TBC1D16: variants seen among roughly 807,000 people sequenced by gnomAD.
TBC1D16 encodes TBC1 domain family member 16, also known as CTD-2529O21.1.
Under a neutral mutation model 74.7 loss-of-function variants are expected in TBC1D16, and 58 were observed. That is an observed-to-expected ratio of 0.78 (90% CI 0.63 to 0.97). The LOEUF is 0.97. TBC1D16 is among the 50% of genes least tolerant of loss of function. The pLI is 0.00. For missense variants in TBC1D16, 1,014 were observed against 1,079.5 expected, an observed-to-expected ratio of 0.94 and a Z score of 0.85; for synonymous variants, 493 against 474.7, an observed-to-expected ratio of 1.04 and a Z score of -0.50.
In TBC1D16 at chr17:79,999,071, C is replaced by A. The variant is rs543656788; in HGVS notation, c.779+11089G>T. On this transcript the variant is annotated intron_variant, in intron 3 of 11. Coordinates refer to ENST00000310924, the MANE Select transcript of TBC1D16 (RefSeq NM_019020.4). ...AGGAATTTGAGACCAGCCCGGCCAA[C>A]ACGGCGAAACCCCATCTCTAGTAAA... Among the ~76,000 whole-genome samples the A allele has an allele frequency of 6.6e-5, 10 of 152,160 alleles. No homozygotes were observed. The East Asian group carries it at 1.9e-3, about 30-fold the overall frequency.
rs890778489 is a variant in TBC1D16, at chr17:79,941,554, G to A, written c.2056-447C>T. On this transcript the variant is annotated intron_variant, in intron 11 of 11. Coordinates refer to ENST00000310924, the MANE Select transcript of TBC1D16 (RefSeq NM_019020.4). The surrounding 1 kb of genome is among the most constrained non-coding windows in gnomAD (Gnocchi z 4.3). ...GTGTCCTGTGCCAGAGGACACCACCGACCTCGGGACCCCCGCTCAGTGCCC... is the reference window on the plus strand; with the variant it reads ...GTGTCCTGTGCCAGAGGACACCACCAACCTCGGGACCCCCGCTCAGTGCCC... 5.3e-5 allele frequency among the ~76,000 whole-genome samples: 8 copies of A among 151,740 alleles called. No individual in the cohort carries two copies. Among genetic ancestry groups the A allele is most frequent in the Admixed American group, 1.3e-4 (2 of 15,246 alleles).
Position 80,007,769 on chromosome 17 carries a change from A to G in TBC1D16, c.779+2391T>C, listed in dbSNP as rs1009341710. The stretch of plus-strand genomic sequence containing the variant: ...CATGAGGCAGAGAGAGCCCCACAAG[A>G]TCTAGAGGCAGAGAGGACGACGAAC... On this transcript the variant is annotated intron_variant, in intron 3 of 11. Coordinates refer to ENST00000310924, the MANE Select transcript of TBC1D16 (RefSeq NM_019020.4). This position sits in a 1 kb window ranked among gnomAD's most constrained non-coding sequence, Gnocchi z 4.5. Among the ~76,000 whole-genome samples, 6 of 152,232 alleles carry G rather than the reference A, an allele frequency of 3.9e-5. No individual in the cohort carries two copies. The South Asian group carries it at 1.2e-3, about 32-fold the overall frequency.
chr17:80,034,225 A>T lies in TBC1D16; in HGVS notation c.-63+1570T>A, dbSNP rs201424049. On this transcript the variant is annotated intron_variant, in intron 1 of 11. Coordinates refer to ENST00000310924, the MANE Select transcript of TBC1D16 (RefSeq NM_019020.4). Reference sequence around the variant, plus strand: ...CTTTTTTTTTTTTTTTTTGAGACATAGAATGTTGCTCTATCACCCGGGCTG... The same window carrying T: ...CTTTTTTTTTTTTTTTTTGAGACATTGAATGTTGCTCTATCACCCGGGCTG... Among the ~76,000 whole-genome samples the T allele has an allele frequency of 7.4e-4, 2 of 2,692 alleles. 1 individual carries two copies. 1.8% of individuals were successfully genotyped at this position (2,692 alleles called of 152,430 possible). A position where few individuals can be genotyped will look rare whatever the true frequency, so the allele number is the denominator to read the frequency against.
rs374443801 is a variant in TBC1D16, at chr17:80,025,523, G to A, written c.-63+10272C>T. On this transcript the variant is annotated intron_variant, in intron 1 of 11. Coordinates refer to ENST00000310924, the MANE Select transcript of TBC1D16 (RefSeq NM_019020.4). ...CTGGCAAATGCCCCCGGAGAGCCCTGGAGAGTTTTGCAGCAGTCCTGGCAC... is the reference window on the plus strand; with the variant it reads ...CTGGCAAATGCCCCCGGAGAGCCCTAGAGAGTTTTGCAGCAGTCCTGGCAC... Among the ~76,000 whole-genome samples, 58 of 149,758 alleles carry A rather than the reference G, an allele frequency of 3.9e-4. 1 individual carries two copies. The East Asian group carries it at 0.01, about 26-fold the overall frequency.
intron 3 of TBC1D16, among the ~76,000 whole-genome samples, chr17:79,953,756 CTTTTTTTCTTTTTTCTTT>C (rs1479959546): frequency 6.6e-6 from 1 of 152,054 alleles, no homozygotes; most frequent in South Asian, 2.1e-4. Context: ...GAGATTTTTT[CTTTTTTTCTTTTTTCTTT>C]TTTTTTTCTT....
chr17:79,998,782 C>T (rs2035373096), intron 3 of TBC1D16, among the ~76,000 whole-genome samples: 1 of 152,180 alleles, frequency 6.6e-6, no homozygotes, highest in Non-Finnish European at 1.5e-5. Flanking sequence ...CCACCCACCA[C>T]CACAGGGTAT....
intron 10 of TBC1D16, chr17:79,943,780 C>G: frequency 8.2e-7 from 1 of 1,226,852 alleles, no homozygotes; most frequent in Non-Finnish European, 1.0e-6. Flanking sequence ...GGGAAAGGGA[C>G]CCATCTGCCG....
intron 3 of TBC1D16, among the ~76,000 whole-genome samples, chr17:79,955,791 T>A (rs536383555): frequency 5.3e-5 from 8 of 152,154 alleles, no homozygotes; most frequent in Non-Finnish European, 1.2e-4. Context: ...GTCAGCACTA[T>A]CACTGGAAAA....
rs1201777467 is a variant in TBC1D16 at position 80,025,589 on chromosome 17, G to GGGAGCAGCCGCCTGCTA, written c.-63+10205_-63+10206insTAGCAGGCGGCTGCTCC. On this transcript the variant is annotated intron_variant, in intron 1 of 11. Transcript: ENST00000310924. ...CGCCTGCTGGGAGCAGCCGCCTGCT[G>GGGAGCAGCCGCCTGCTA]GGAGCACCTCCTTGCTGGAAGCACC... is the stretch of plus-strand genomic sequence containing the variant. 2.6e-3 allele frequency among the ~76,000 whole-genome samples: 382 copies of GGGAGCAGCCGCCTGCTA among 144,204 alleles called. 6 individuals are homozygous for GGGAGCAGCCGCCTGCTA. The highest frequency in any genetic ancestry group is 0.016 in the South Asian group (72 of 4,584). 94.6% of individuals were successfully genotyped at this position (144,204 alleles called of 152,430 possible).
chr17:79,991,487 G>A lies in TBC1D16; in HGVS notation c.779+18673C>T, dbSNP rs1164154387. ...GGCTGCTAAGAGTGGACAGGATGCA[G>A]GAGTGGCGTCTGGCTGACCCTGACC... is the stretch of plus-strand genomic sequence containing the variant. On this transcript the variant is annotated intron_variant, in intron 3 of 11. Coordinates refer to ENST00000310924, the MANE Select transcript of TBC1D16 (RefSeq NM_019020.4). Among the ~76,000 whole-genome samples, 7 of 152,322 alleles carry A rather than the reference G, an allele frequency of 4.6e-5. No homozygotes were observed. In the East Asian group the frequency reaches 1.2e-3, roughly 25 times the overall value.
intron 3 of TBC1D16, among the ~76,000 whole-genome samples, chr17:79,978,282 G>A (rs909438544): frequency 2.0e-5 from 3 of 152,272 alleles, no homozygotes; most frequent in Non-Finnish European, 4.4e-5. Context: ...TGGGAAGGCA[G>A]GGTCTCCGCT....
At chr17:80,024,586 C>CACACACCACACACCATAGACAT (rs2036464968) in intron 1 of TBC1D16, among the ~76,000 whole-genome samples, 7 of 19,658 alleles carry the variant, frequency 3.6e-4, no homozygotes, top group South Asian at 2.5e-3. Context: ...GCACACACAC[C>CACACACCACACACCATAGACAT]ACACACCACA....
rs2031830466 is a variant in TBC1D16, at chr17:79,939,662, T to A, written c.*1197A>T. On this transcript the variant is annotated 3_prime_UTR_variant, in exon 12 of 12. Coordinates refer to ENST00000310924, the MANE Select transcript of TBC1D16 (RefSeq NM_019020.4). The stretch of plus-strand genomic sequence containing the variant: ...AGCATAGATCGCACACCCTTTTCTG[T>A]CCATCTCTAAATCCCAGAAGGAGCA... 1 of 152,164 alleles carries A rather than the reference T, an allele frequency of 6.6e-6. No homozygotes were observed. The highest frequency in any genetic ancestry group is 1.5e-5 in the Non-Finnish European group (1 of 68,036). The allele number at this position is 152,164 out of a possible 1,614,324, so 9.4% of individuals were successfully genotyped here.
intron 3 of TBC1D16, among the ~76,000 whole-genome samples, chr17:80,004,420 C>T (rs1261489869): frequency 6.6e-6 from 1 of 152,204 alleles, no homozygotes; most frequent in African/African-American, 2.4e-5. Context: ...CTGGCAGCAC[C>T]GAGCTTCTGA....
intron 1 of TBC1D16, among the ~76,000 whole-genome samples, chr17:80,024,177 G>T (rs1568647621): frequency 6.7e-6 from 1 of 150,026 alleles, no homozygotes; most frequent in Non-Finnish European, 1.5e-5. Context: ...CCCCACTTCA[G>T]CCCACCAGGC....
Position 79,994,578 on chromosome 17 carries a change from C to A in TBC1D16, c.779+15582G>T, listed in dbSNP as rs2144534392. On this transcript the variant is annotated intron_variant, in intron 3 of 11. Transcript: ENST00000310924. This position sits in a 1 kb window ranked among gnomAD's most constrained non-coding sequence, Gnocchi z 4.6. ...AGCTGGGATTACAGGTGTCTGCCAC[C>A]ACGCCCGGCTAATTTTTGTATTTTT... 6.6e-6 allele frequency among the ~76,000 whole-genome samples: 1 copy of A among 152,268 alleles called. No homozygotes were observed. The highest frequency in any genetic ancestry group is 1.9e-4 in the East Asian group (1 of 5,172).
chr17:79,971,729 T>C lies in TBC1D16; in HGVS notation c.780-18911A>G, dbSNP rs781451581. 6.6e-6 allele frequency among the ~76,000 whole-genome samples: 1 copy of C among 152,120 alleles called. No individual in the cohort carries two copies. The highest frequency in any genetic ancestry group is 1.5e-5 in the Non-Finnish European group (1 of 68,020). Reference sequence around the variant, plus strand: ...CTGGTGCCCGACCCACCAGGAGACATGGACCTCATAGGAGGTGAGCTGAGG... The same window carrying C: ...CTGGTGCCCGACCCACCAGGAGACACGGACCTCATAGGAGGTGAGCTGAGG... On this transcript the variant is annotated intron_variant, in intron 3 of 11. Coordinates refer to ENST00000310924, the MANE Select transcript of TBC1D16 (RefSeq NM_019020.4). This position sits in a 1 kb window ranked among gnomAD's most constrained non-coding sequence, Gnocchi z 4.6.
At position 79,980,455 on chromosome 17, in the gene TBC1D16, A is replaced by C. The variant is rs1461859918; in HGVS notation, c.780-27637T>G. ...ACATGCAGTGGGAGTCTGGGCCGCT[A>C]CGTTGTGGGGTGGTGTAACCAGGGT... On this transcript the variant is annotated intron_variant, in intron 3 of 11. Transcript: ENST00000310924. This position sits in a 1 kb window ranked among gnomAD's most constrained non-coding sequence, Gnocchi z 7.0. 6.6e-6 allele frequency among the ~76,000 whole-genome samples: 1 copy of C among 152,184 alleles called. No individual in the cohort carries two copies. The highest frequency in any genetic ancestry group is 2.4e-5 in the African/African-American group (1 of 41,442).
At chr17:80,027,891 CAAAAAAA>C (rs71163908) in intron 1 of TBC1D16, among the ~76,000 whole-genome samples, 6 of 66,826 alleles carry the variant, frequency 9.0e-5, no homozygotes, top group East Asian at 3.7e-4. Flanking sequence ...GACTCCAACT[CAAAAAAA>C]AAAAAAAAAA....
Sources: allele counts gnomAD v4.1 joint callset (sites outside exome capture counted in the v4.1 genomes callset), GRCh38; gene constraint gnomAD v4.1.1; non-coding constraint Gnocchi (gnomAD v3.1); transcripts MANE v1.5; gene names NCBI Gene and HGNC (gene_info 2026-07-23, HGNC 2026-07-21).